TTC13: variants seen among roughly 807,000 people sequenced by gnomAD.
TTC13 encodes tetratricopeptide repeat domain 13.
TTC13 carries 62 observed loss-of-function variants against 120.0 expected under a neutral mutation model. The observed-to-expected ratio is 0.52, with a 90% CI of 0.42 to 0.64. The LOEUF (loss-of-function observed/expected upper bound fraction) is 0.64, where lower values mean the gene tolerates loss of function less well. TTC13 is among the 30% of genes least tolerant of loss of function. The probability of loss-of-function intolerance (pLI) is 0.00; values close to 1 mark genes in which losing one functional copy is unlikely to be tolerated. For synonymous variants in TTC13, 384 were observed against 393.5 expected, an observed-to-expected ratio of 0.98 and a Z score of 0.28; for missense variants, 824 against 1,050.2, an observed-to-expected ratio of 0.78 and a Z score of 2.98.
intron 8 of TTC13, chr1:230,936,171 G>A (rs746481256): frequency 5.3e-5 from 24 of 456,128 alleles, no homozygotes; most frequent in South Asian, 2.2e-4. Context: ...ATGCTTGGAC[G>A]CCACAGTTCT....
At chr1:230,909,714 A>G (rs938743201) in intron 20 of TTC13, among the ~76,000 whole-genome samples, 1 of 152,230 alleles carries the variant, frequency 6.6e-6, no homozygotes, top group African/African-American at 2.4e-5. Context: ...CATTCTCACA[A>G]TGTACTAACG....
At chr1:230,976,298 C>A (rs748744736) in intron 1 of TTC13, among the ~76,000 whole-genome samples, 1 of 152,204 alleles carries the variant, frequency 6.6e-6, no homozygotes, top group Non-Finnish European at 1.5e-5. Context: ...GCATCAGCTG[C>A]CCCTCAGGCT....
At chr1:230,968,184 T>G (rs1412831846) in intron 1 of TTC13, among the ~76,000 whole-genome samples, 8 of 130,966 alleles carry the variant, frequency 6.1e-5, no homozygotes, top group Admixed American at 1.7e-4. Context: ...CCTATGGTGG[T>G]GGGGGGGGGG....
chr1:230,940,313 A>T lies in TTC13; in HGVS notation c.789+127T>A. On this transcript the variant is annotated intron_variant, in intron 7 of 22. Coordinates refer to ENST00000366661, the MANE Select transcript of TTC13 (RefSeq NM_024525.5). This position sits in a 1 kb window ranked among gnomAD's most constrained non-coding sequence, Gnocchi z 4.1. ...TTCAGCTACAGAAAATGCTTTTATA[A>T]CTCTTATGACACAGACATATTACTA... 1.9e-6 allele frequency: 1 copy of T among 530,076 alleles called. No individual in the cohort carries two copies. 32.8% of individuals were successfully genotyped at this position (530,076 alleles called of 1,614,324 possible).
Position 230,921,403 on chromosome 1 carries a change from A to T in TTC13, c.1898+18T>A, listed in dbSNP as rs567287922. The T allele has an allele frequency of 7.6e-7, 1 of 1,324,472 alleles. No individual in the cohort carries two copies. The highest frequency in any genetic ancestry group is 1.3e-5 in the South Asian group (1 of 78,378). The allele number at this position is 1,324,472 out of a possible 1,614,324, so 82.0% of individuals were successfully genotyped here. A position where few individuals can be genotyped will look rare whatever the true frequency, so the allele number is the denominator to read the frequency against. On this transcript the variant is annotated intron_variant, in intron 16 of 22. Coordinates refer to ENST00000366661, the MANE Select transcript of TTC13 (RefSeq NM_024525.5). ...TGAAATCAACTCATTACTAAGAAGG[A>T]GAAAATTAAAGGCTTACCCATGATA...
At chr1:230,908,481 T>G in intron 22 of TTC13, 1 of 547,044 alleles carries the variant, frequency 1.8e-6, no homozygotes, top group Non-Finnish European at 3.3e-6. Context: ...TGAGCTACTG[T>G]GCCTGGCCTT....
intron 4 of TTC13, among the ~76,000 whole-genome samples, chr1:230,948,219 CAT>C (rs1350977072): frequency 6.6e-6 from 1 of 152,088 alleles, no homozygotes; most frequent in Non-Finnish European, 1.5e-5. Context: ...CACACATACA[CAT>C]GTGCACAATA....
intron 4 of TTC13, among the ~76,000 whole-genome samples, chr1:230,951,394 C>T (rs1675564455): frequency 6.6e-6 from 1 of 151,840 alleles, no homozygotes; most frequent in Admixed American, 6.6e-5. Context: ...AAAAAGATTG[C>T]CAAGAGTTAA....
At chr1:230,930,332 CTTT>C (rs962778123) in intron 11 of TTC13, among the ~76,000 whole-genome samples, 2 of 152,066 alleles carry the variant, frequency 1.3e-5, no homozygotes, top group African/African-American at 4.8e-5. Flanking sequence ...AATTCCACTT[CTTT>C]GATTTTCACT....
chr1:230,966,739 A>C (rs749678276), intron 1 of TTC13, among the ~76,000 whole-genome samples: 27 of 152,220 alleles, frequency 1.8e-4, no homozygotes, highest in Non-Finnish European at 3.5e-4. Flanking sequence ...GAGGACGTGA[A>C]TAACACCAGC....
intron 15 of TTC13, among the ~76,000 whole-genome samples, chr1:230,922,354 C>A (rs1285312292): frequency 6.6e-6 from 1 of 152,146 alleles, no homozygotes; most frequent in African/African-American, 2.4e-5. Context: ...ACCTGAACAA[C>A]TACACAATTT....
intron 20 of TTC13, among the ~76,000 whole-genome samples, chr1:230,910,173 G>C (rs537751603): frequency 4.6e-5 from 7 of 152,320 alleles, no homozygotes; most frequent in African/African-American, 1.4e-4. Flanking sequence ...GGTGATTCAT[G>C]GGGTTCTCCA....
At chr1:230,974,350 G>C (rs1678050445) in intron 1 of TTC13, among the ~76,000 whole-genome samples, 1 of 152,096 alleles carries the variant, frequency 6.6e-6, no homozygotes, top group South Asian at 2.1e-4. Context: ...CTACTATATA[G>C]AGTCATGCGC....
intron 3 of TTC13, chr1:230,956,314 A>G (rs1676079813): frequency 5.4e-6 from 1 of 186,856 alleles, no homozygotes; most frequent in Non-Finnish European, 1.1e-5. Context: ...CTTAATGGTC[A>G]GATGAACATG....
At chr1:230,948,751 A>G (rs1200187652) in intron 4 of TTC13, among the ~76,000 whole-genome samples, 1 of 152,036 alleles carries the variant, frequency 6.6e-6, no homozygotes, top group Non-Finnish European at 1.5e-5. Flanking sequence ...CAACCTCCCA[A>G]AGTGCTGGGG....
intron 2 of TTC13, among the ~76,000 whole-genome samples, chr1:230,958,724 C>T (rs1676341472): frequency 2.0e-5 from 3 of 152,200 alleles, no homozygotes; most frequent in Admixed American, 6.5e-5. Context: ...GGCATGGTGG[C>T]TCACGCCTTT....
rs535198662 is a variant in TTC13 at position 230,975,368 on chromosome 1, T to C, written c.271+3192A>G. On this transcript the variant is annotated intron_variant, in intron 1 of 22. Transcript: ENST00000366661. The stretch of plus-strand genomic sequence containing the variant: ...CCTCCTGGGCAACAGAGCAAGACCC[T>C]GTCTCTAAAAAAATAGAAAAAACAA... Among the ~76,000 whole-genome samples, 5 of 152,242 alleles carry C rather than the reference T, an allele frequency of 3.3e-5. No homozygotes were observed. The East Asian group carries it at 9.7e-4, about 29-fold the overall frequency.
rs778364288 is a variant in TTC13 at position 230,929,039 on chromosome 1, A to G, written c.1355T>C (p.Ile452Thr). Residue 452 changes from isoleucine to threonine, a missense_variant, in exon 12 of 23, where the codon ATT becomes ACT. By Grantham distance (89) the Ile-to-Thr change is moderately conservative. Around this residue, in one of 4 missense-constraint regions of TTC13, gnomAD observed 430 missense variants for 626.8 expected, o/e 0.69. Coordinates refer to ENST00000366661, the MANE Select transcript of TTC13 (RefSeq NM_024525.5). ...HLDTPLTEYN[I>T]DVDLPGSFKD... ...AAAGCTTCCAGGCAGATCCACATCA[A>G]TGTTATATTCCGTAAGGGGGGTATC... 8.1e-6 allele frequency: 13 copies of G among 1,614,190 alleles called. No homozygotes were observed. The highest frequency in any genetic ancestry group is 1.1e-5 in the Non-Finnish European group (13 of 1,180,016).
At chr1:230,922,989 TGAAAA>T (rs1448830702) in intron 15 of TTC13, among the ~76,000 whole-genome samples, 3 of 152,108 alleles carry the variant, frequency 2.0e-5, no homozygotes, top group Middle Eastern at 3.2e-3. Context: ...AGTCACAAGG[TGAAAA>T]GAAATTTGTT....
Sources: gnomAD v4.1 joint callset for allele counts (sites outside exome capture counted in the v4.1 genomes callset) on GRCh38, gnomAD v4.1.1 for gene constraint, gnomAD v4.1.1 regional missense constraint, Gnocchi (gnomAD v3.1) non-coding constraint, MANE v1.5 for transcripts, NCBI Gene and HGNC (gene_info 2026-07-23, HGNC 2026-07-21) for gene names.